Variants in KIF21A observed in about 807,000 individuals in gnomAD.
The protein encoded by KIF21A is kinesin family member 21A, also known as kinesin-like protein KIF21A.
A neutral mutation model predicts 202.9 loss-of-function variants in KIF21A; 114 were observed. That is an observed-to-expected ratio of 0.56 (90% CI 0.48 to 0.66). The LOEUF (loss-of-function observed/expected upper bound fraction) is 0.66, where lower values mean the gene tolerates loss of function less well. KIF21A is among the 30% of genes least tolerant of loss of function. The probability of loss-of-function intolerance (pLI) is 0.00; values close to 1 mark genes in which losing one functional copy is unlikely to be tolerated. For missense variants in KIF21A, 1,677 were observed against 1,994.9 expected (o/e 0.84, Z 3.04); for synonymous variants, 667 against 670.8 (o/e 0.99, Z 0.09).
intron 16 of KIF21A, among the ~76,000 whole-genome samples, chr12:39,338,528 T>A (rs1947173057): frequency 6.6e-6 from 1 of 152,232 alleles, no homozygotes; most frequent in East Asian, 1.9e-4. Flanking sequence ...TCCTAGGACT[T>A]CACGTTCATT....
At chr12:39,331,562 A>T (rs1946507338) in intron 22 of KIF21A, 128 bp downstream of exon 22, 1 of 712,834 alleles carries the variant, frequency 1.4e-6, no homozygotes, top group African/African-American at 1.8e-5. Flanking sequence ...AAGGTAAAAG[A>T]AATACTTTCC....
chr12:39,358,289 A>C lies in KIF21A; in HGVS notation c.1104T>G (p.Ala368=), dbSNP rs187327535. Residue 368 remains alanine, a synonymous_variant, in exon 8 of 38, where the codon GCT becomes GCG. Coordinates refer to ENST00000361418, the MANE Select transcript of KIF21A (RefSeq NM_001173464.2). ...TLNTLKYANR[A]RNIKNKVMVN... is the part of the protein sequence containing the mutation. ...CCATCACCTTATTCTTGATATTTCT[A>C]GCTCGATTGGCGTATTTCAGGGTGT... 8.7e-6 allele frequency: 14 copies of C among 1,614,076 alleles called. No individual in the cohort carries two copies. The East Asian group carries it at 2.7e-4, about 31-fold the overall frequency.
chr12:39,404,125 G>A (rs935271304), intron 1 of KIF21A, among the ~76,000 whole-genome samples: 1 of 152,040 alleles, frequency 6.6e-6, no homozygotes, highest in African/African-American at 2.4e-5. Context: ...GCCCAGGCTA[G>A]AGTGCAGTGG....
intron 34 of KIF21A, among the ~76,000 whole-genome samples, chr12:39,305,153 G>A (rs1298873603): frequency 6.6e-6 from 1 of 151,756 alleles, no homozygotes; most frequent in Non-Finnish European, 1.5e-5. Flanking sequence ...ATCACCTGAG[G>A]CCAGGAGTTT....
At chr12:39,361,404 C>A (rs941821240) in intron 7 of KIF21A, among the ~76,000 whole-genome samples, 2 of 151,966 alleles carry the variant, frequency 1.3e-5, no homozygotes, top group African/African-American at 4.8e-5. Context: ...GGAAGGAAAA[C>A]TGCATCCATA....
Position 39,294,470 on chromosome 12 carries a change from T to C in KIF21A, c.4979A>G (p.Gln1660Arg). 6.2e-7 allele frequency: 1 copy of C among 1,614,010 alleles called. No homozygotes were observed. Among genetic ancestry groups the C allele is most frequent in the Non-Finnish European group, 8.5e-7 (1 of 1,179,896 alleles). ...CCCCAGATCTCCTGTGTCAGAGATC[T>C]GACCATCTTGCAAATTGCGAGCCTT... is the stretch of plus-strand genomic sequence containing the variant. ...IWKARNLQDG[Q>R]ISDTGDLGED... Residue 1660 changes from glutamine (Q) to arginine (R), a missense_variant, in exon 38 of 38, where the codon CAG (glutamine) becomes CGG (arginine). Coordinates refer to ENST00000361418, the MANE Select transcript of KIF21A (RefSeq NM_001173464.2).
At position 39,356,177 on chromosome 12, in the gene KIF21A, G is replaced by A. The variant is rs190306398; in HGVS notation, c.1469+655C>T. ...TTCCCAACCCTATTCCCCAAGTCTA[G>A]TCCCCTCCACATTCCTACACCAGCA... On this transcript the variant is annotated intron_variant, in intron 10 of 37. Coordinates refer to ENST00000361418, the MANE Select transcript of KIF21A (RefSeq NM_001173464.2). Among the ~76,000 whole-genome samples the A allele has an allele frequency of 3.4e-4, 52 of 152,228 alleles. 1 individual carries two copies. The East Asian group carries it at 9.7e-3, about 28-fold the overall frequency.
intron 21 of KIF21A, 110 bp from the exon 22 acceptor site, chr12:39,331,901 G>T: frequency 1.2e-6 from 1 of 839,960 alleles, no homozygotes; most frequent in Non-Finnish European, 2.0e-6. Flanking sequence ...CTAATGAGAT[G>T]CTCAGATAAG....
intron 1 of KIF21A, among the ~76,000 whole-genome samples, chr12:39,402,082 T>C (rs1003957328): frequency 6.6e-6 from 1 of 152,184 alleles, no homozygotes; most frequent in African/African-American, 2.4e-5. Flanking sequence ...AACTGTATAT[T>C]TGGACATTCT....
chr12:39,349,359 T>G lies in KIF21A; in HGVS notation c.1673+2418A>C, dbSNP rs533306980. ...TCAGTCCAAAGTTTCAATTAATTTTTAATTGAACCTCTTGTATGTGTAAGG... is the reference window on the plus strand; with the variant it reads ...TCAGTCCAAAGTTTCAATTAATTTTGAATTGAACCTCTTGTATGTGTAAGG... On this transcript the variant is annotated intron_variant, in intron 11 of 37. Coordinates refer to ENST00000361418, the MANE Select transcript of KIF21A (RefSeq NM_001173464.2). 4.6e-5 allele frequency among the ~76,000 whole-genome samples: 7 copies of G among 152,242 alleles called. No homozygotes were observed. In the South Asian group the frequency reaches 1.4e-3, roughly 32 times the overall value.
At chr12:39,324,548 G>C (rs1395146631) in intron 26 of KIF21A, among the ~76,000 whole-genome samples, 1 of 152,212 alleles carries the variant, frequency 6.6e-6, no homozygotes, top group Non-Finnish European at 1.5e-5. Flanking sequence ...AAGATCATGT[G>C]TAAGAGCCTG....
intron 29 of KIF21A, among the ~76,000 whole-genome samples, chr12:39,317,085 C>T (rs1944633194): frequency 6.6e-6 from 1 of 152,050 alleles, no homozygotes; most frequent in South Asian, 2.1e-4. Flanking sequence ...TTTAATAACA[C>T]AGGAAAATAT....
chr12:39,347,969 C>T (rs187701166), intron 11 of KIF21A, among the ~76,000 whole-genome samples: 104 of 152,152 alleles, frequency 6.8e-4, no homozygotes, highest in African/African-American at 2.4e-3. Flanking sequence ...CTAATGATAA[C>T]GAGCTACAAT....
chr12:39,345,594 T>C (rs921095317), intron 12 of KIF21A, among the ~76,000 whole-genome samples: 46 of 151,980 alleles, frequency 3.0e-4, no homozygotes, highest in Admixed American at 2.5e-3. Flanking sequence ...TTGCATAGTA[T>C]AAGTTCTCAA....
intron 1 of KIF21A, among the ~76,000 whole-genome samples, chr12:39,396,450 C>A (rs1566145632): frequency 6.6e-6 from 1 of 152,140 alleles, no homozygotes; most frequent in Non-Finnish European, 1.5e-5. Context: ...AATGAATGAA[C>A]AATTCAACAA....
chr12:39,330,318 C>T (rs1262121222), intron 23 of KIF21A, 56 bp from the exon 24 acceptor site: 3 of 1,521,868 alleles, frequency 2.0e-6, no homozygotes, highest in Non-Finnish European at 2.7e-6. Context: ...CAAAACAGAT[C>T]CAATGTTAAA....
In KIF21A at chr12:39,325,849, G is replaced by C. The variant is rs761870399; in HGVS notation, c.3446C>G (p.Pro1149Arg). Residue 1149 changes from proline to arginine, a missense_variant, in exon 26 of 38, where the codon CCT (proline) becomes CGT (arginine). By Grantham distance (103) the Pro-to-Arg change is moderately radical. Transcript: ENST00000361418. ...DLMKLCGEVK[P>R]KNKARRRTTT... is the part of the protein sequence containing the mutation. ...TTTAGTTCTCCTTACCTTGTTCTTA[G>C]GTTTCACTTCACCACAAAGCTTCAT... 1.2e-5 allele frequency: 19 copies of C among 1,610,220 alleles called. No individual in the cohort carries two copies. Among genetic ancestry groups the C allele is most frequent in the Non-Finnish European group, 1.6e-5 (19 of 1,176,974 alleles).
chr12:39,394,543 T>C (rs1951593758), intron 1 of KIF21A, among the ~76,000 whole-genome samples: 1 of 152,226 alleles, frequency 6.6e-6, no homozygotes, highest in Non-Finnish European at 1.5e-5. Flanking sequence ...TGGAACTAAT[T>C]AGTTACAATC....
At position 39,366,373 on chromosome 12, in the gene KIF21A, C is replaced by A. The variant is rs750158577; in HGVS notation, c.880G>T (p.Gly294Cys). The change falls in exon 6 of 38, where the codon GGC becomes TGC. Residue 294 changes from glycine (G) to cysteine (C), a missense_variant. By Grantham distance (159) the Gly-to-Cys change is radical (BLOSUM62 -3). Around this residue, in one of 3 missense-constraint regions of KIF21A, gnomAD observed 966 missense variants for 1,180.9 expected, o/e 0.82. Coordinates refer to ENST00000361418, the MANE Select transcript of KIF21A (RefSeq NM_001173464.2). ...TGATGERAKEGISINCGLLAL... is the reference protein window; with the variant it reads ...TGATGERAKECISINCGLLAL... Reference sequence around the variant, plus strand: ...ACAAGTCCACAGTTGATAGAAATGCCTTCTTTTGCCCTCTCGCCTGTAGCT... The same window carrying A: ...ACAAGTCCACAGTTGATAGAAATGCATTCTTTTGCCCTCTCGCCTGTAGCT... 1.1e-5 allele frequency: 17 copies of A among 1,613,934 alleles called. No homozygotes were observed. The highest frequency in any genetic ancestry group is 1.4e-5 in the Non-Finnish European group (17 of 1,179,980).
Sources: gnomAD v4.1 joint callset for allele counts (sites outside exome capture counted in the v4.1 genomes callset) on GRCh38, gnomAD v4.1.1 for gene constraint, gnomAD v4.1.1 regional missense constraint, MANE v1.5 for transcripts, NCBI Gene and HGNC (gene_info 2026-07-23, HGNC 2026-07-21) for gene names.